RSRC2: variants seen among roughly 807,000 people sequenced by gnomAD.
RSRC2 encodes the protein arginine/serine-rich coiled-coil protein 2.
A neutral mutation model predicts 61.3 loss-of-function variants in RSRC2; 5 were observed. That is an observed-to-expected ratio of 0.08 (90% CI 0.04 to 0.17). The LOEUF (loss-of-function observed/expected upper bound fraction) is 0.17, where lower values mean the gene tolerates loss of function less well. RSRC2 is among the 10% of genes least tolerant of loss of function. The pLI, the probability that RSRC2 is intolerant of heterozygous loss-of-function variation, is 1.00. For missense variants in RSRC2, 381 were observed against 518.8 expected (o/e 0.73, Z 2.58); for synonymous variants, 202 against 166.5 (o/e 1.21, Z -1.64).
chr12:122,521,656 G>T (rs147838815), intron 2 of RSRC2, among the ~76,000 whole-genome samples: 1 of 152,040 alleles, frequency 6.6e-6, no homozygotes, highest in East Asian at 1.9e-4. Flanking sequence ...TCTTTTAAAC[G>T]GTCATAGACT....
chr12:122,520,428 TAAAAA>T, intron 3 of RSRC2: 1 of 869,108 alleles, frequency 1.2e-6, no homozygotes, highest in Non-Finnish European at 1.7e-6. Flanking sequence ...ACTATTAATT[TAAAAA>T]AAACATTAAA....
At chr12:122,522,340 T>C in intron 1 of RSRC2, 41 bp from the exon 2 acceptor site, 1 of 1,513,794 alleles carries the variant, frequency 6.6e-7, no homozygotes. Context: ...CTTAATTACA[T>C]TTTAAATGTT....
chr12:122,521,031 AGAT>A, intron 3 of RSRC2: 2 of 243,656 alleles, frequency 8.2e-6, no homozygotes, highest in Admixed American at 5.0e-5. Context: ...TGCTATGTAA[AGAT>A]GATTGCTGTT....
chr12:122,517,940 G>GTT (rs1271490360), intron 4 of RSRC2, among the ~76,000 whole-genome samples: 8 of 152,152 alleles, frequency 5.3e-5, no homozygotes, highest in Non-Finnish European at 1.2e-4. Context: ...CAAAAGGACT[G>GTT]TTTATCAGCT....
chr12:122,521,745 A>G (rs1015528929), intron 2 of RSRC2, among the ~76,000 whole-genome samples: 8 of 152,248 alleles, frequency 5.3e-5, no homozygotes, highest in Admixed American at 3.3e-4. Context: ...TTTAATAGAG[A>G]GAGGTAAGCC....
At chr12:122,512,721 C>G (rs866858075) in intron 6 of RSRC2, among the ~76,000 whole-genome samples, 40 of 128,434 alleles carry the variant, frequency 3.1e-4, no homozygotes, top group Admixed American at 5.0e-4. Context: ...AACAAGACTT[C>G]ATCTCAAAAA....
At chr12:122,524,093 A>C (rs185360198) in intron 1 of RSRC2, among the ~76,000 whole-genome samples, 2 of 152,184 alleles carry the variant, frequency 1.3e-5, no homozygotes, top group African/African-American at 4.8e-5. Context: ...CACCCCTTAG[A>C]ATAGAGTTCA....
chr12:122,522,522 C>A, intron 1 of RSRC2: 1 of 336,786 alleles, frequency 3.0e-6, no homozygotes. Context: ...ACTGATGTAT[C>A]TTTAATTTTC....
chr12:122,526,479 T>C (rs930662973), intron 1 of RSRC2, among the ~76,000 whole-genome samples: 2 of 152,032 alleles, frequency 1.3e-5, no homozygotes, highest in African/African-American at 4.8e-5. Flanking sequence ...CCTGATCGTC[T>C]TTCTCTTCCC....
intron 1 of RSRC2, among the ~76,000 whole-genome samples, chr12:122,524,642 A>G (rs147819029): frequency 2.3e-4 from 35 of 152,334 alleles, no homozygotes; most frequent in Non-Finnish European, 4.1e-4. Flanking sequence ...TATACTACAG[A>G]GCAACAACAA....
At chr12:122,514,030 A>C (rs1208189255) in intron 6 of RSRC2, 1 of 152,392 alleles carries the variant, frequency 6.6e-6, no homozygotes, top group Non-Finnish European at 1.5e-5. Context: ...TGTCTCAAAA[A>C]ACAAAACACC....
chr12:122,504,107 A>AG lies in RSRC2; in HGVS notation c.*1419_*1420insC, dbSNP rs1957999326. ...ATTTTCATGTATAAAAAAAATACCT[A>AG]ATGAGCAAGTTGGCAAGACTTAATT... On this transcript the variant is annotated 3_prime_UTR_variant, in exon 10 of 10. Transcript: ENST00000331738. The AG allele has an allele frequency of 2.0e-5, 3 of 152,118 alleles. No individual in the cohort carries two copies. Among genetic ancestry groups the AG allele is most frequent in the Non-Finnish European group, 4.4e-5 (3 of 68,024 alleles). 9.4% of individuals were successfully genotyped at this position (152,118 alleles called of 1,614,324 possible).
chr12:122,511,124 G>C lies in RSRC2; in HGVS notation c.790C>G (p.Gln264Glu). 1 of 1,605,326 alleles carries C rather than the reference G, an allele frequency of 6.2e-7. No homozygotes were observed. Among genetic ancestry groups the C allele is most frequent in the South Asian group, 1.1e-5 (1 of 90,390 alleles). ...AAAAAATTACCTGCAGCTATTTCTT[G>C]TTGTTTTTGTTTTTCAACCATTTCC... is the stretch of plus-strand genomic sequence containing the variant. The part of the protein sequence containing the change: ...EKEMVEKQKQ[Q>E]EIAAAAATGG... The change falls in exon 7 of 10, where the codon CAA (glutamine) becomes GAA (glutamate). Residue 264 changes from glutamine (Q) to glutamate (E), a missense_variant. Physicochemically the swap from Gln to Glu is conservative, Grantham distance 29. Transcript: ENST00000331738.
intron 9 of RSRC2, chr12:122,506,341 C>T (rs989272340): frequency 6.5e-6 from 1 of 154,298 alleles, no homozygotes; most frequent in Non-Finnish European, 1.4e-5. Flanking sequence ...CTTTCTAGGT[C>T]TGGAATATAG....
At chr12:122,512,202 G>A (rs1017064369) in intron 6 of RSRC2, among the ~76,000 whole-genome samples, 7 of 152,212 alleles carry the variant, frequency 4.6e-5, no homozygotes, top group African/African-American at 1.7e-4. Context: ...CAAGCTATAT[G>A]TTAAGTTTAC....
Position 122,504,054 on chromosome 12 carries a change from AAAAAAAAAG to A in RSRC2, c.*1464_*1472del, listed in dbSNP as rs1271513115. 1 of 150,942 alleles carries A rather than the reference AAAAAAAAAG, an allele frequency of 6.6e-6. No individual in the cohort carries two copies. Among genetic ancestry groups the A allele is most frequent in the East Asian group, 1.9e-4 (1 of 5,190 alleles). The allele number at this position is 150,942 out of a possible 1,614,324, so 9.4% of individuals were successfully genotyped here. The stretch of plus-strand genomic sequence containing the variant: ...TGCACTCCAGCCTAGGACAGAAAGC[AAAAAAAAAG>A]AAAACACCCCATTACTTCATTTTCA... On this transcript the variant is annotated 3_prime_UTR_variant, in exon 10 of 10. Transcript: ENST00000331738.
At chr12:122,506,019 C>G (rs936559177) in intron 9 of RSRC2, among the ~76,000 whole-genome samples, 1 of 151,052 alleles carries the variant, frequency 6.6e-6, no homozygotes, top group Non-Finnish European at 1.5e-5. Flanking sequence ...CCTCAGGGAT[C>G]CCCCCTGCCG....
intron 3 of RSRC2, chr12:122,520,469 T>C: frequency 1.8e-6 from 2 of 1,123,042 alleles, no homozygotes; most frequent in African/African-American, 1.6e-5. Context: ...AAGATATATT[T>C]AAGGGAAATA....
At chr12:122,526,494 C>CCCT (rs1234680576) in intron 1 of RSRC2, among the ~76,000 whole-genome samples, 1 of 152,028 alleles carries the variant, frequency 6.6e-6, no homozygotes, top group Non-Finnish European at 1.5e-5. Flanking sequence ...CTTCCCCAGC[C>CCCT]CCTTTCTCCA....
Sources: allele counts gnomAD v4.1 joint callset (sites outside exome capture counted in the v4.1 genomes callset), GRCh38; gene constraint gnomAD v4.1.1; transcripts MANE v1.5; gene names NCBI Gene and HGNC (gene_info 2026-07-23, HGNC 2026-07-21).